The following CIT variants were observed in gnomAD, a reference collection of about 807,000 sequenced individuals.
CIT encodes citron rho-interacting serine/threonine kinase.
A neutral mutation model predicts 272.7 loss-of-function variants in CIT; 79 were observed. The ratio of observed to expected loss-of-function variants is 0.29; its 90% CI spans 0.24 to 0.35. The LOEUF (loss-of-function observed/expected upper bound fraction) is 0.35. Among genes scored for constraint, CIT ranks in the 10% least tolerant of loss-of-function variants. The pLI, the probability that CIT is intolerant of heterozygous loss-of-function variation, is 1.00. For synonymous variants in CIT, 948 were observed against 995.6 expected, an observed-to-expected ratio of 0.95 and a Z score of 0.90; for missense variants, 1,909 against 2,618.3, an observed-to-expected ratio of 0.73 and a Z score of 5.91.
At chr12:119,767,993 C>G (rs1962652480) in intron 18 of CIT, among the ~76,000 whole-genome samples, 1 of 150,998 alleles carries the variant, frequency 6.6e-6, no homozygotes, top group Non-Finnish European at 1.5e-5. Flanking sequence ...CTCACTGCAA[C>G]TTTCACCTCC....
intron 33 of CIT, among the ~76,000 whole-genome samples, 179 bp downstream of exon 33, chr12:119,714,018 G>A (rs149448939): frequency 1.0e-3 from 158 of 152,338 alleles, no homozygotes; most frequent in Non-Finnish European, 2.0e-3. Context: ...GTCATGAGCT[G>A]CAGACATATA....
At chr12:119,865,604 T>C (rs1380022536) in intron 3 of CIT, among the ~76,000 whole-genome samples, 1 of 152,188 alleles carries the variant, frequency 6.6e-6, no homozygotes, top group Non-Finnish European at 1.5e-5. Context: ...GCGTGGTGGC[T>C]CATGCCTGTA....
intron 7 of CIT, among the ~76,000 whole-genome samples, 193 bp downstream of exon 7, chr12:119,832,578 G>T (rs1189575120): frequency 6.6e-6 from 1 of 152,124 alleles, no homozygotes; most frequent in African/African-American, 2.4e-5. Context: ...GTCTTGGAGG[G>T]TATTAACAGG....
chr12:119,724,796 G>A (rs549065317), intron 28 of CIT, among the ~76,000 whole-genome samples: 9 of 151,946 alleles, frequency 5.9e-5, no homozygotes, highest in Admixed American at 1.3e-4. Context: ...AAAATTAGCC[G>A]GGCGTGATAG....
chr12:119,791,270 G>A lies in CIT; in HGVS notation c.1296-6205C>T, dbSNP rs150088830. 1.8e-3 allele frequency among the ~76,000 whole-genome samples: 275 copies of A among 152,248 alleles called. 3 individuals carry two copies. Among genetic ancestry groups the A allele is most frequent in the African/African-American group, 6.3e-3 (260 of 41,560 alleles). On this transcript the variant is annotated intron_variant, in intron 10 of 47. Transcript: ENST00000392521. The stretch of plus-strand genomic sequence containing the variant: ...CAAGGTCATGGAGGAAAGGGAGAGC[G>A]GAACATGTGAGATACAGTGACCTCC...
At chr12:119,717,414 C>CTTTTTTTTTTTTT (rs765763044) in intron 32 of CIT, among the ~76,000 whole-genome samples, 17 of 109,440 alleles carry the variant, frequency 1.6e-4, no homozygotes, top group African/African-American at 5.9e-4. Context: ...TTTTTCTTTT[C>CTTTTTTTTTTTTT]TTTTCTTTTT....
rs773828039 is a variant in CIT, at chr12:119,714,190, A to T, written c.4306+7T>A. 1 of 1,614,102 alleles carries T rather than the reference A, an allele frequency of 6.2e-7. No individual in the cohort carries two copies. Among genetic ancestry groups the T allele is most frequent in the Admixed American group, 1.7e-5 (1 of 60,010 alleles). On this transcript the variant is annotated splice_region_variant and intron_variant, in intron 33 of 47. Transcript: ENST00000392521. ...GCCCAGCACAGATGCACAACTACTG[A>T]TCTTACCGAGACATTTGGATGCCTG...
intron 24 of CIT, among the ~76,000 whole-genome samples, chr12:119,738,470 C>T (rs950913608): frequency 1.3e-5 from 2 of 152,150 alleles, no homozygotes; most frequent in Non-Finnish European, 2.9e-5. Context: ...CTGATTCCAT[C>T]TTAGCAGCAA....
At chr12:119,859,192 A>C (rs1950260285) in intron 3 of CIT, among the ~76,000 whole-genome samples, 1 of 152,250 alleles carries the variant, frequency 6.6e-6, no homozygotes, top group Non-Finnish European at 1.5e-5. Context: ...ATACACAGGC[A>C]TTACACACCA....
rs1337906214 is a variant in CIT, at chr12:119,698,295, TTATA to T, written c.5624-245_5624-242del. 3 of 517,592 alleles carry T rather than the reference TTATA, an allele frequency of 5.8e-6. No homozygotes were observed. The East Asian group carries it at 9.7e-5, about 17-fold the overall frequency. The allele number at this position is 517,592 out of a possible 1,614,324, so 32.1% of individuals were successfully genotyped here. A position where few individuals can be genotyped will look rare whatever the true frequency, so the allele number is the denominator to read the frequency against. On this transcript the variant is annotated intron_variant, in intron 44 of 47. Transcript: ENST00000392521. ...ACAGTGTAGGGATTGGCTAAATACA[TTATA>T]ATACATCTGGCTGGGCGTGGTGGCT... is the stretch of plus-strand genomic sequence containing the variant.
At chr12:119,843,234 A>C (rs1969530656) in intron 5 of CIT, among the ~76,000 whole-genome samples, 1 of 152,234 alleles carries the variant, frequency 6.6e-6, no homozygotes. Context: ...AAGTGCAAGA[A>C]AGGCCTGGTA....
chr12:119,817,586 T>C (rs955113081), intron 9 of CIT, among the ~76,000 whole-genome samples: 1 of 152,100 alleles, frequency 6.6e-6, no homozygotes, highest in Non-Finnish European at 1.5e-5. Flanking sequence ...TCCCACCATT[T>C]GGAGGTACAG....
At chr12:119,812,154 G>T (rs918725637) in intron 9 of CIT, among the ~76,000 whole-genome samples, 4 of 151,870 alleles carry the variant, frequency 2.6e-5, no homozygotes, top group African/African-American at 4.8e-5. Flanking sequence ...TACCATGTTG[G>T]CCAGGCTGGT....
At chr12:119,714,457 A>G (rs1016327349) in intron 32 of CIT, 123 bp from the exon 33 acceptor site, 12 of 967,820 alleles carry the variant, frequency 1.2e-5, no homozygotes, top group Middle Eastern at 2.7e-4. Context: ...AGGGACTCAT[A>G]TCTAGAATAC....
At chr12:119,701,801 C>T (rs906116174) in intron 42 of CIT, 49 bp from the exon 43 acceptor site, 3 of 1,614,078 alleles carry the variant, frequency 1.9e-6, no homozygotes, top group Non-Finnish European at 1.7e-6. Flanking sequence ...TTCTGAGTCT[C>T]AGCGCGGCCT....
intron 25 of CIT, among the ~76,000 whole-genome samples, chr12:119,734,695 G>A (rs1418352309): frequency 3.3e-5 from 5 of 152,058 alleles, no homozygotes; most frequent in East Asian, 1.9e-4. Flanking sequence ...GGAGTACAGT[G>A]GCATGATCAC....
chr12:119,837,063 G>C (rs1344114298), intron 5 of CIT, among the ~76,000 whole-genome samples: 2 of 152,180 alleles, frequency 1.3e-5, no homozygotes, highest in Non-Finnish European at 2.9e-5. Flanking sequence ...TTCACAACAT[G>C]AGGCCAAAAC....
intron 4 of CIT, among the ~76,000 whole-genome samples, chr12:119,853,532 G>C (rs1325637998): frequency 6.6e-6 from 1 of 152,094 alleles, no homozygotes; most frequent in Non-Finnish European, 1.5e-5. Context: ...TCCCGCCTTG[G>C]CCTCCCAAAG....
At chr12:119,771,007 G>A (rs1186061773) in intron 17 of CIT, 97 bp from the exon 18 acceptor site, 8 of 1,430,726 alleles carry the variant, frequency 5.6e-6, no homozygotes, top group East Asian at 2.3e-5. Flanking sequence ...GCATACACTC[G>A]AGTCAGGAAG....
Sources: gnomAD v4.1 joint callset for allele counts (sites outside exome capture counted in the v4.1 genomes callset) on GRCh38, gnomAD v4.1.1 for gene constraint, MANE v1.5 for transcripts, NCBI Gene and HGNC (gene_info 2026-07-23, HGNC 2026-07-21) for gene names.